CFAP74: variants seen among roughly 807,000 people sequenced by gnomAD.
CFAP74 encodes cilia- and flagella-associated protein 74.
A neutral mutation model predicts 188.9 loss-of-function variants in CFAP74; 124 were observed. The ratio of observed to expected loss-of-function variants is 0.66; its 90% CI spans 0.57 to 0.76. CFAP74 has a LOEUF of 0.76. Ranked by LOEUF, CFAP74 falls within the 30% of genes least tolerant of loss-of-function variation. The pLI is 0.00. For synonymous variants in CFAP74, 956 were observed against 916.7 expected, an observed-to-expected ratio of 1.04 and a Z score of -0.77; for missense variants, 2,198 against 2,165.2, an observed-to-expected ratio of 1.02 and a Z score of -0.30.
At chr1:1,987,854 G>GA (rs1465598142) in intron 4 of CFAP74, 7 of 337,124 alleles carry the variant, frequency 2.1e-5, no homozygotes, top group Non-Finnish European at 2.9e-5. Flanking sequence ...CGGTCACTTG[G>GA]AAAACACACG....
chr1:1,970,859 G>A (rs368772518), intron 9 of CFAP74, 43 bp from the exon 10 acceptor site: 78 of 1,608,440 alleles, frequency 4.8e-5, no homozygotes, highest in African/African-American at 1.3e-4. Context: ...CAGCACCCAC[G>A]GGCACATGCA....
chr1:1,941,115 AAAAGAAAGAAAG>A lies in CFAP74; in HGVS notation c.2616-724_2616-713del, dbSNP rs531512153. 3.0e-3 allele frequency among the ~76,000 whole-genome samples: 461 copies of A among 152,170 alleles called. 1 individual carries two copies. The highest frequency in any genetic ancestry group is 5.1e-3 in the Non-Finnish European group (348 of 68,014). ...GCGACAGAGCGAGACTCTGTCTCAA[AAAAGAAAGAAAG>A]AAAGAAAGAAATATCAGGAGAAGTA... On this transcript the variant is annotated intron_variant, in intron 22 of 38. Transcript: ENST00000682832.
intron 2 of CFAP74, among the ~76,000 whole-genome samples, chr1:1,989,293 G>A (rs968830591): frequency 3.9e-5 from 6 of 152,234 alleles, no homozygotes; most frequent in African/African-American, 9.6e-5. Context: ...AGCCGGCCAC[G>A]CAGCTGTGTG....
chr1:1,946,245 G>A (rs1044043559), intron 20 of CFAP74, 72 bp downstream of exon 20: 22 of 1,460,152 alleles, frequency 1.5e-5, no homozygotes, highest in Non-Finnish European at 1.8e-5. Context: ...TTGTGGCCAA[G>A]GGCAGCTGCC....
intron 25 of CFAP74, among the ~76,000 whole-genome samples, chr1:1,930,931 G>A (rs375744247): frequency 6.6e-6 from 1 of 152,066 alleles, no homozygotes; most frequent in Admixed American, 6.6e-5. Context: ...TTAACCATTG[G>A]AAACTTCACA....
chr1:1,957,176 G>A (rs991452873), intron 16 of CFAP74, among the ~76,000 whole-genome samples: 8 of 152,212 alleles, frequency 5.3e-5, no homozygotes, highest in African/African-American at 1.2e-4. Context: ...CTTCCAGAAC[G>A]GGAGCACGCC....
chr1:1,979,067 T>C (rs79755835), intron 6 of CFAP74, among the ~76,000 whole-genome samples: 127 of 54,264 alleles, frequency 2.3e-3, no homozygotes, highest in East Asian at 2.8e-3. Flanking sequence ...GCACAGAACA[T>C]GCGTGTGGTA....
At chr1:1,967,619 G>A (rs1461476740) in intron 11 of CFAP74, among the ~76,000 whole-genome samples, 1 of 152,170 alleles carries the variant, frequency 6.6e-6, no homozygotes, top group East Asian at 1.9e-4. Flanking sequence ...CTGGTGCCCT[G>A]AAGGGCACCG....
In CFAP74 at chr1:1,994,659, C is replaced by T. The variant is rs138638195; in HGVS notation, c.-19-3684G>A. On this transcript the variant is annotated intron_variant, in intron 1 of 38. Transcript: ENST00000682832. ...GCTTGTGAATTCCATGCGGCCTCCG[C>T]GACGTCATTTTGCTGGACACCCCGT... Among the ~76,000 whole-genome samples, 522 of 152,280 alleles carry T rather than the reference C, an allele frequency of 3.4e-3. 6 individuals are homozygous for T. Among genetic ancestry groups the T allele is most frequent in the African/African-American group, 0.012 (498 of 41,540 alleles).
chr1:1,928,877 G>A lies in CFAP74; in HGVS notation c.3294C>T (p.Cys1098=). 6.5e-7 allele frequency: 1 copy of A among 1,535,252 alleles called. No individual in the cohort carries two copies. The highest frequency in any genetic ancestry group is 8.7e-7 in the Non-Finnish European group (1 of 1,146,370). Residue 1098 remains cysteine (C), a synonymous_variant, in exon 27 of 39, where the codon TGC becomes TGT. Transcript: ENST00000682832. The part of the protein sequence containing the change: ...SVGTVWPGKR[C]LVQVAFRPVL... The stretch of plus-strand genomic sequence containing the variant: ...CTGGCCGGAAGGCCACCTGGACCAG[G>A]CACCTCTGAGGAGAGACCAGCGTGG...
At position 1,924,384 on chromosome 1, in the gene CFAP74, CGCTCA is replaced by C; in HGVS notation, c.4234+2_4234+6del. 1.1e-6 allele frequency: 1 copy of C among 918,818 alleles called. No individual in the cohort carries two copies. Among genetic ancestry groups the C allele is most frequent in the Non-Finnish European group, 1.4e-6 (1 of 700,706 alleles). The allele number at this position is 918,818 out of a possible 1,614,324, so 56.9% of individuals were successfully genotyped here. A position where few individuals can be genotyped will look rare whatever the true frequency, so the allele number is the denominator to read the frequency against. Reference sequence around the variant, plus strand: ...AGCTCACCACCCACCCCCCACCCCCCGCTCACCGACCACCTCCGTCCTCTGGGAGG... The same window carrying C: ...AGCTCACCACCCACCCCCCACCCCCCCCGACCACCTCCGTCCTCTGGGAGG... On this transcript the variant is annotated splice_donor_variant and splice_donor_5th_base_variant and intron_variant, in intron 34 of 38. Coordinates refer to ENST00000682832, the MANE Select transcript of CFAP74 (RefSeq NM_001304360.2). LOFTEE classifies it high-confidence loss of function.
intron 1 of CFAP74, among the ~76,000 whole-genome samples, chr1:2,003,435 TTTTG>T (rs1468388608): frequency 6.6e-6 from 1 of 152,232 alleles, no homozygotes; most frequent in Non-Finnish European, 1.5e-5. Flanking sequence ...GGCCCTTGAT[TTTTG>T]TTTAATGTTT....
chr1:1,922,068 T>C lies in CFAP74; in HGVS notation c.*219A>G. On this transcript the variant is annotated 3_prime_UTR_variant, in exon 39 of 39. Transcript: ENST00000682832. ...AGGGCTGGCCTGGCCTTCTCGCTGC[T>C]TCTGAGTCTGGGGTCTCAGGAGGGG... The C allele has an allele frequency of 1.8e-6, 1 of 548,258 alleles. No individual in the cohort carries two copies. The highest frequency in any genetic ancestry group is 2.2e-5 in the South Asian group (1 of 45,380). 34.0% of individuals were successfully genotyped at this position (548,258 alleles called of 1,614,324 possible).
At chr1:1,980,527 C>A (rs1367134167) in intron 6 of CFAP74, among the ~76,000 whole-genome samples, 1 of 152,260 alleles carries the variant, frequency 6.6e-6, no homozygotes, top group Non-Finnish European at 1.5e-5. Flanking sequence ...AGGGATGGGA[C>A]CTGCGCAGGC....
At position 1,991,039 on chromosome 1, in the gene CFAP74, C is replaced by T. The variant is rs115480807; in HGVS notation, c.-19-64G>A. On this transcript the variant is annotated intron_variant, in intron 1 of 38. Coordinates refer to ENST00000682832, the MANE Select transcript of CFAP74 (RefSeq NM_001304360.2). ...ATAGATTTAAAAGACGGTGAATTAA[C>T]CATTTCTCTTAAAGAAGGCATTAAG... The T allele has an allele frequency of 9.6e-4, 1,104 of 1,156,004 alleles. 11 individuals are homozygous for T. In the African/African-American group the frequency reaches 0.015, roughly 16 times the overall value. The allele number at this position is 1,156,004 out of a possible 1,614,324, so 71.6% of individuals were successfully genotyped here.
chr1:1,960,056 G>A (rs765833559), intron 14 of CFAP74, 26 bp from the exon 15 acceptor site: 32 of 1,585,950 alleles, frequency 2.0e-5, no homozygotes, highest in Middle Eastern at 1.7e-4. Context: ...CATAGCACAC[G>A]GGGGTTAGTG....
chr1:1,985,248 C>G (rs745914608), intron 6 of CFAP74, 138 bp downstream of exon 6: 3 of 676,034 alleles, frequency 4.4e-6, no homozygotes, highest in Non-Finnish European at 7.9e-6. Flanking sequence ...CTGCATTCAC[C>G]GAGTCCCCTT....
At chr1:1,979,038 G>A in intron 6 of CFAP74, among the ~76,000 whole-genome samples, 1 of 149,628 alleles carries the variant, frequency 6.7e-6, no homozygotes, top group Non-Finnish European at 1.5e-5. Flanking sequence ...GGCGTGGGAA[G>A]GCGTCATGTG....
intron 14 of CFAP74, 132 bp from the exon 15 acceptor site, chr1:1,960,162 GC>G (rs1654979288): frequency 6.8e-6 from 5 of 734,538 alleles, no homozygotes; most frequent in African/African-American, 3.8e-5. Context: ...CTGCCCAGCC[GC>G]CTTCACCCCG....
Sources: gnomAD v4.1 joint callset for allele counts (sites outside exome capture counted in the v4.1 genomes callset) on GRCh38, gnomAD v4.1.1 for gene constraint, MANE v1.5 for transcripts, NCBI Gene and HGNC (gene_info 2026-07-23, HGNC 2026-07-21) for gene names.